Variants in PIWIL2 observed in about 807,000 individuals in gnomAD.
PIWIL2 encodes the protein piwi like RNA-mediated gene silencing 2, also known as piwi-like protein 2.
Under a neutral mutation model 116.5 loss-of-function variants are expected in PIWIL2, and 81 were observed. That is an observed-to-expected ratio of 0.70 (90% CI 0.58 to 0.84). The LOEUF is 0.84. Among genes scored for constraint, PIWIL2 ranks in the 40% least tolerant of loss-of-function variants. PIWIL2 has a pLI of 0.00. For missense variants in PIWIL2, 1,272 were observed against 1,212.3 expected (o/e 1.05, Z -0.73); for synonymous variants, 489 against 429.5 (o/e 1.14, Z -1.71).
Position 22,311,168 on chromosome 8 carries a change from A to G in PIWIL2, c.1857A>G (p.Arg619=). 1.2e-6 allele frequency: 2 copies of G among 1,614,170 alleles called. No homozygotes were observed. Among genetic ancestry groups the G allele is most frequent in the Non-Finnish European group, 8.5e-7 (1 of 1,180,006 alleles). Residue 619 remains arginine (R), a synonymous_variant, in exon 16 of 23, where the codon CGA becomes CGG. Coordinates refer to ENST00000356766, the MANE Select transcript of PIWIL2 (RefSeq NM_018068.5). The part of the protein sequence containing the change: ...FYPKRAMDQA[R]ELVNMLEKIA... ...CAAAGAGAGCAATGGACCAGGCTCG[A>G]GAACTGGTCAACATGTTGGAGAAGA...
intron 20 of PIWIL2, among the ~76,000 whole-genome samples, chr8:22,322,254 C>T: frequency 6.6e-6 from 1 of 151,816 alleles, no homozygotes; most frequent in East Asian, 1.9e-4. Flanking sequence ...ATGCCCCTCC[C>T]CCCCACCTTT....
At chr8:22,300,261 A>G (rs971358554) in intron 10 of PIWIL2, among the ~76,000 whole-genome samples, 1 of 151,458 alleles carries the variant, frequency 6.6e-6, no homozygotes, top group Non-Finnish European at 1.5e-5. Context: ...CCACCCACCC[A>G]CCTGCCTGCC....
intron 20 of PIWIL2, among the ~76,000 whole-genome samples, chr8:22,349,409 ATG>A (rs375297605): frequency 0.027 from 3,691 of 137,164 alleles, 68 homozygotes; most frequent in Non-Finnish European, 0.034. Flanking sequence ...TGTACAATAT[ATG>A]TGTGTGTGTA....
At chr8:22,332,364 A>G (rs1831881916) in intron 20 of PIWIL2, among the ~76,000 whole-genome samples, 1 of 152,054 alleles carries the variant, frequency 6.6e-6, no homozygotes, top group East Asian at 1.9e-4. Flanking sequence ...ATAGGAGGTT[A>G]AAATATAATA....
At chr8:22,330,736 A>C (rs1298891855) in intron 20 of PIWIL2, among the ~76,000 whole-genome samples, 2 of 143,162 alleles carry the variant, frequency 1.4e-5, no homozygotes, top group African/African-American at 5.8e-5. Flanking sequence ...AAATAAATAA[A>C]TAAATAAAAA....
At chr8:22,286,576 A>C (rs1291469859) in intron 6 of PIWIL2, among the ~76,000 whole-genome samples, 1 of 152,094 alleles carries the variant, frequency 6.6e-6, no homozygotes, top group Admixed American at 6.6e-5. Context: ...GAGTTGCTTG[A>C]GGCTAGGAGT....
In PIWIL2 at chr8:22,319,778, G is replaced by A. The variant is rs1397174712; in HGVS notation, c.2403+1503G>A. On this transcript the variant is annotated intron_variant, in intron 20 of 22. Coordinates refer to ENST00000356766, the MANE Select transcript of PIWIL2 (RefSeq NM_018068.5). ...GAATGTTCCACAAGACAGAGTGCTG[G>A]TGGAAGTCATGCTGCATTTTATGCC... Among the ~76,000 whole-genome samples, 3 of 152,158 alleles carry A rather than the reference G, an allele frequency of 2.0e-5. No homozygotes were observed. The East Asian group carries it at 5.8e-4, about 29-fold the overall frequency.
At chr8:22,288,856 G>A (rs1830691752) in intron 8 of PIWIL2, among the ~76,000 whole-genome samples, 190 bp downstream of exon 8, 1 of 152,212 alleles carries the variant, frequency 6.6e-6, no homozygotes, top group African/African-American at 2.4e-5. Flanking sequence ...GACCAGATTT[G>A]AATATATGAA....
chr8:22,342,949 C>A (rs1832143365), intron 20 of PIWIL2, among the ~76,000 whole-genome samples: 1 of 152,112 alleles, frequency 6.6e-6, no homozygotes. Context: ...GAGCAAAATA[C>A]CTCAACAGAC....
Position 22,352,912 on chromosome 8 carries a change from G to A in PIWIL2, c.2404-47G>A, listed in dbSNP as rs187588124. 2.5e-4 allele frequency: 391 copies of A among 1,572,918 alleles called. 5 individuals are homozygous for A. In the African/African-American group the frequency reaches 4.8e-3, roughly 19 times the overall value. On this transcript the variant is annotated intron_variant, in intron 20 of 22. Transcript: ENST00000356766. ...GTGGGCCTCTCACTGACTGTGGTCC[G>A]TAGCCTGAGGGCTCTGTGAGTCACC...
Position 22,341,508 on chromosome 8 carries a change from T to G in PIWIL2, c.2404-11451T>G, listed in dbSNP as rs373164653. Among the ~76,000 whole-genome samples the G allele has an allele frequency of 2.0e-5, 3 of 149,188 alleles. No individual in the cohort carries two copies. The East Asian group carries it at 5.9e-4, about 30-fold the overall frequency. ...TACTCAGGAGGCTGAGGCAGGAGAA[T>G]CGCTTAAACCTGGGAGGCGAAGGTT... On this transcript the variant is annotated intron_variant, in intron 20 of 22. Coordinates refer to ENST00000356766, the MANE Select transcript of PIWIL2 (RefSeq NM_018068.5).
chr8:22,283,241 G>A lies in PIWIL2; in HGVS notation c.632+1G>A. ...TCCTGACTGTGGAACACAAGGAAAA[G>A]TAAGTCAGGAGCACTGCCTTCTCTA... is the stretch of plus-strand genomic sequence containing the variant. On this transcript the variant is annotated splice_donor_variant, in intron 5 of 22. Transcript: ENST00000356766. LOFTEE classifies it high-confidence loss of function. 6.2e-7 allele frequency: 1 copy of A among 1,610,352 alleles called. No individual in the cohort carries two copies. The highest frequency in any genetic ancestry group is 8.5e-7 in the Non-Finnish European group (1 of 1,176,916).
At chr8:22,322,831 G>C (rs1387962698) in intron 20 of PIWIL2, among the ~76,000 whole-genome samples, 1 of 152,196 alleles carries the variant, frequency 6.6e-6, no homozygotes, top group Non-Finnish European at 1.5e-5. Context: ...GTGAGCCACT[G>C]TGCCCAGCTG....
chr8:22,314,817 TGTG>T (rs1337094951), intron 17 of PIWIL2, among the ~76,000 whole-genome samples: 3 of 152,072 alleles, frequency 2.0e-5, no homozygotes, highest in Non-Finnish European at 4.4e-5. Flanking sequence ...GTTTTGGGTT[TGTG>T]GTGTGTGTGT....
At chr8:22,324,354 C>T (rs2132068962) in intron 20 of PIWIL2, among the ~76,000 whole-genome samples, 1 of 152,158 alleles carries the variant, frequency 6.6e-6, no homozygotes, top group Middle Eastern at 3.4e-3. Flanking sequence ...CATTTATACC[C>T]CCACCTTTCC....
chr8:22,348,196 G>C (rs1025901776), intron 20 of PIWIL2, among the ~76,000 whole-genome samples: 1 of 151,720 alleles, frequency 6.6e-6, no homozygotes, highest in Admixed American at 6.6e-5. Flanking sequence ...AGCTACTCGG[G>C]GGCCGAGGCA....
At position 22,326,507 on chromosome 8, in the gene PIWIL2, C is replaced by T. The variant is rs992256272; in HGVS notation, c.2403+8232C>T. 4.6e-5 allele frequency among the ~76,000 whole-genome samples: 7 copies of T among 152,196 alleles called. No individual in the cohort carries two copies. The East Asian group carries it at 1.2e-3, about 25-fold the overall frequency. On this transcript the variant is annotated intron_variant, in intron 20 of 22. Transcript: ENST00000356766. ...CCATTAAATAATCATTCCTTATTCA[C>T]ACCTTCTCCTAATTTCTGGTAACAT...
intron 19 of PIWIL2, among the ~76,000 whole-genome samples, chr8:22,317,509 C>G (rs1027813150): frequency 2.0e-5 from 3 of 152,044 alleles, no homozygotes; most frequent in Non-Finnish European, 4.4e-5. Context: ...TAAATCTCCA[C>G]CAACTCAACT....
rs532723644 is a variant in PIWIL2, at chr8:22,276,594, G to A, written c.-47+1196G>A. 2.6e-5 allele frequency among the ~76,000 whole-genome samples: 4 copies of A among 152,212 alleles called. No individual in the cohort carries two copies. In the East Asian group the frequency reaches 5.8e-4, roughly 22 times the overall value. Reference sequence around the variant, plus strand: ...CTTCCAGAGTGCTGGGATTACAGGCGCGAGCCACCACCCCCGGCCAAGACA... The same window carrying A: ...CTTCCAGAGTGCTGGGATTACAGGCACGAGCCACCACCCCCGGCCAAGACA... On this transcript the variant is annotated intron_variant, in intron 1 of 22. Coordinates refer to ENST00000356766, the MANE Select transcript of PIWIL2 (RefSeq NM_018068.5).
Sources: allele counts gnomAD v4.1 joint callset (sites outside exome capture counted in the v4.1 genomes callset), GRCh38; gene constraint gnomAD v4.1.1; transcripts MANE v1.5; gene names NCBI Gene and HGNC (gene_info 2026-07-23, HGNC 2026-07-21).